Variants in C7orf57 observed in about 807,000 individuals in gnomAD.
The protein encoded by C7orf57 is uncharacterized protein C7orf57.
C7orf57 carries 33 observed loss-of-function variants against 39.0 expected under a neutral mutation model. The ratio of observed to expected loss-of-function variants is 0.85; its 90% CI spans 0.64 to 1.13. The LOEUF (loss-of-function observed/expected upper bound fraction) is 1.13. Ranked by LOEUF, C7orf57 falls within the 50% of genes most tolerant of loss-of-function variation. The pLI is 0.00. For synonymous variants in C7orf57, 124 were observed against 137.1 expected (o/e 0.90, Z 0.67); for missense variants, 346 against 362.3 (o/e 0.95, Z 0.37).
intron 8 of C7orf57, among the ~76,000 whole-genome samples, chr7:48,056,326 CTGAGT>C (rs1253200347): frequency 6.6e-6 from 1 of 152,006 alleles, no homozygotes; most frequent in Non-Finnish European, 1.5e-5. Context: ...TTTTTTGCTA[CTGAGT>C]TGAGTTCCTT....
chr7:48,042,619 A>C (rs898860797), intron 3 of C7orf57, among the ~76,000 whole-genome samples: 1 of 151,982 alleles, frequency 6.6e-6, no homozygotes, highest in Non-Finnish European at 1.5e-5. Context: ...GTATAGGGGA[A>C]CTCATACTAT....
Position 48,049,829 on chromosome 7 carries a change from G to A in C7orf57, c.508-51G>A. 2.1e-6 allele frequency: 3 copies of A among 1,404,368 alleles called. No individual in the cohort carries two copies. The South Asian group carries it at 3.6e-5, about 17-fold the overall frequency. The allele number at this position is 1,404,368 out of a possible 1,614,324, so 87.0% of individuals were successfully genotyped here. On this transcript the variant is annotated intron_variant, in intron 5 of 8. Transcript: ENST00000348904. ...TACCATTAGTGAGTTTTCTTCTCTA[G>A]CTGTTGAATGCTTTCCACTAACTCA...
intron 7 of C7orf57, among the ~76,000 whole-genome samples, chr7:48,053,421 A>G (rs530416911): frequency 6.6e-5 from 10 of 151,998 alleles, no homozygotes; most frequent in Non-Finnish European, 1.5e-4. Flanking sequence ...TCAAAGTACT[A>G]TATTAGTTTT....
intron 8 of C7orf57, among the ~76,000 whole-genome samples, chr7:48,055,168 G>A (rs193235865): frequency 1.0e-3 from 155 of 152,280 alleles, no homozygotes; most frequent in African/African-American, 3.7e-3. Flanking sequence ...GAGCTACCGC[G>A]CCTGGCCTAT....
At chr7:48,051,213 G>T (rs141506410) in intron 6 of C7orf57, among the ~76,000 whole-genome samples, 61 of 151,480 alleles carry the variant, frequency 4.0e-4, no homozygotes, top group African/African-American at 1.5e-3. Context: ...ATGGAGTCTT[G>T]CTCTGTTGCC....
Position 48,052,741 on chromosome 7 carries a change from T to G in C7orf57, c.647T>G (p.Leu216Arg). ...AGTTCACCTACCAATTTTTCCAAAC[T>G]CATTAGCAATGGTTATAAGGATGAG... ...KNSSPTNFSK[L>R]ISNGYKDEWL... is the part of the protein sequence containing the mutation. The change falls in exon 7 of 9, where the codon CTC (leucine) becomes CGC (arginine). Residue 216 changes from leucine (L) to arginine (R), a missense_variant. Leu to Arg is a moderately radical substitution (Grantham distance 102, BLOSUM62 -2). Transcript: ENST00000348904. The G allele has an allele frequency of 6.2e-7, 1 of 1,613,992 alleles. No homozygotes were observed. The highest frequency in any genetic ancestry group is 1.3e-5 in the African/African-American group (1 of 75,048).
At chr7:48,039,066 C>CT (rs1297126406) in intron 2 of C7orf57, among the ~76,000 whole-genome samples, 1 of 152,148 alleles carries the variant, frequency 6.6e-6, no homozygotes, top group African/African-American at 2.4e-5. Flanking sequence ...GTGAACATCT[C>CT]TTATCAGACC....
At chr7:48,038,769 G>A (rs1480801919) in intron 2 of C7orf57, among the ~76,000 whole-genome samples, 1 of 152,084 alleles carries the variant, frequency 6.6e-6, no homozygotes. Context: ...ATACATTTTG[G>A]GGGGACAGAA....
At chr7:48,048,814 C>T (rs1396108518) in intron 5 of C7orf57, among the ~76,000 whole-genome samples, 1 of 152,060 alleles carries the variant, frequency 6.6e-6, no homozygotes, top group African/African-American at 2.4e-5. Context: ...GCAGGAACAT[C>T]GCCATCTTGG....
chr7:48,049,096 A>G (rs149270955), intron 5 of C7orf57, among the ~76,000 whole-genome samples: 2,118 of 152,214 alleles, frequency 0.014, 32 homozygotes, highest in Non-Finnish European at 0.016. Context: ...CAACCCAGCC[A>G]TGAACTTCTC....
At chr7:48,043,737 G>A (rs1330699184) in intron 4 of C7orf57, 148 bp downstream of exon 4, 3 of 714,756 alleles carry the variant, frequency 4.2e-6, no homozygotes, top group Non-Finnish European at 7.2e-6. Context: ...CCTGCTCTTT[G>A]AGGGATGTAG....
intron 6 of C7orf57, among the ~76,000 whole-genome samples, chr7:48,051,837 T>TCTCTTCTCTTCTCTTCTCTTCTCTTC (rs1298932920): frequency 1.1e-5 from 1 of 89,622 alleles, no homozygotes; most frequent in Non-Finnish European, 2.6e-5. Flanking sequence ...CTTTCTTTCT[T>TCTCTTCTCTTCTCTTCTCTTCTCTTC]TCTTTCTTTC....
intron 7 of C7orf57, chr7:48,053,133 T>G: frequency 1.5e-6 from 1 of 677,372 alleles, no homozygotes. Flanking sequence ...ATAGCGGAAG[T>G]CATGACTTTT....
intron 2 of C7orf57, among the ~76,000 whole-genome samples, chr7:48,039,173 A>T (rs978073479): frequency 1.3e-5 from 2 of 152,202 alleles, no homozygotes; most frequent in Non-Finnish European, 2.9e-5. Flanking sequence ...TCCCCACAAG[A>T]GACAGCTTTG....
Position 48,036,194 on chromosome 7 carries a change from T to G in C7orf57, c.-101-14T>G. On this transcript the variant is annotated splice_polypyrimidine_tract_variant and intron_variant, in intron 1 of 8. Transcript: ENST00000348904. ...GACCGACCCAGAGCGGGCGCGCGGA[T>G]TTTGCTTTTGCAGCTGCAGCTCCTG... is the stretch of plus-strand genomic sequence containing the variant. 8.6e-7 allele frequency: 1 copy of G among 1,160,078 alleles called. No homozygotes were observed. Among genetic ancestry groups the G allele is most frequent in the Non-Finnish European group, 1.3e-6 (1 of 790,998 alleles). 71.9% of individuals were successfully genotyped at this position (1,160,078 alleles called of 1,614,324 possible). A position where few individuals can be genotyped will look rare whatever the true frequency, so the allele number is the denominator to read the frequency against.
chr7:48,044,351 G>C (rs1790651466), intron 4 of C7orf57, among the ~76,000 whole-genome samples: 1 of 152,184 alleles, frequency 6.6e-6, no homozygotes, highest in Admixed American at 6.5e-5. Flanking sequence ...CATACAATGG[G>C]AGGGGACCCA....
intron 6 of C7orf57, among the ~76,000 whole-genome samples, chr7:48,051,851 CTTTCTTTCT>C (rs751027838): frequency 6.1e-5 from 4 of 65,592 alleles, no homozygotes; most frequent in Non-Finnish European, 1.1e-4. Context: ...TTCTTTCTTT[CTTTCTTTCT>C]TTCTTTCTTT....
intron 8 of C7orf57, among the ~76,000 whole-genome samples, chr7:48,059,016 A>G (rs1026866152): frequency 3.9e-5 from 6 of 152,216 alleles, no homozygotes; most frequent in African/African-American, 1.4e-4. Flanking sequence ...AGCTGGAAGA[A>G]TCGTCATGTG....
intron 2 of C7orf57, among the ~76,000 whole-genome samples, chr7:48,037,096 C>T (rs1391508634): frequency 1.3e-5 from 2 of 152,134 alleles, no homozygotes; most frequent in African/African-American, 4.8e-5. Context: ...CTTCTTCATA[C>T]TCTAAACATG....
Sources: allele counts gnomAD v4.1 joint callset (sites outside exome capture counted in the v4.1 genomes callset), GRCh38; gene constraint gnomAD v4.1.1; transcripts MANE v1.5; gene names NCBI Gene and HGNC (gene_info 2026-07-23, HGNC 2026-07-21).